Variants in KCNJ6 observed in about 807,000 individuals in gnomAD.
KCNJ6 encodes potassium inwardly rectifying channel subfamily J member 6.
KCNJ6 carries 9 observed loss-of-function variants against 34.2 expected under a neutral mutation model. The ratio of observed to expected loss-of-function variants is 0.26; its 90% CI spans 0.16 to 0.46. KCNJ6 has a LOEUF of 0.46. Ranked by LOEUF, KCNJ6 falls within the 20% of genes least tolerant of loss-of-function variation. The pLI, the probability that KCNJ6 is intolerant of heterozygous loss-of-function variation, is 1.00. For synonymous variants in KCNJ6, 196 were observed against 207.1 expected (o/e 0.95, Z 0.46); for missense variants, 236 against 531.3 (o/e 0.44, Z 5.46).
chr21:37,701,992 G>C (rs570606965), intron 3 of KCNJ6, among the ~76,000 whole-genome samples: 6 of 152,250 alleles, frequency 3.9e-5, no homozygotes, highest in Admixed American at 3.9e-4. Flanking sequence ...CAGCACTTTG[G>C]GAGGCTGAGG....
intron 3 of KCNJ6, among the ~76,000 whole-genome samples, chr21:37,705,119 C>T (rs764601379): frequency 6.6e-6 from 1 of 152,128 alleles, no homozygotes; most frequent in Non-Finnish European, 1.5e-5. Context: ...GAAGCCATGG[C>T]CTGTAATCAA....
chr21:37,855,122 C>T (rs180733284), intron 1 of KCNJ6, among the ~76,000 whole-genome samples: 3 of 152,276 alleles, frequency 2.0e-5, no homozygotes, highest in African/African-American at 7.2e-5. Flanking sequence ...GAAATCATAC[C>T]GAGTATGCTC....
intron 2 of KCNJ6, among the ~76,000 whole-genome samples, chr21:37,772,279 T>G (rs1349836803): frequency 6.6e-6 from 1 of 152,228 alleles, no homozygotes; most frequent in Non-Finnish European, 1.5e-5. Flanking sequence ...TATTATTGGT[T>G]GCACATATTA....
chr21:37,771,082 T>G (rs1258902347), intron 2 of KCNJ6, among the ~76,000 whole-genome samples: 1 of 152,208 alleles, frequency 6.6e-6, no homozygotes, highest in Non-Finnish European at 1.5e-5. Context: ...GGCTATTGTC[T>G]TTATTTGGCG....
intron 3 of KCNJ6, among the ~76,000 whole-genome samples, chr21:37,667,508 TGGGGTAGTGGGCGCC>T (rs1024928296): frequency 6.0e-5 from 9 of 149,416 alleles, no homozygotes; most frequent in Non-Finnish European, 8.9e-5. Flanking sequence ...TAGAGGACGC[TGGGGTAGTGGGCGCC>T]GGGGTAGCGG....
intron 2 of KCNJ6, among the ~76,000 whole-genome samples, chr21:37,781,976 A>G (rs1446879684): frequency 6.6e-6 from 1 of 152,216 alleles, no homozygotes; most frequent in Non-Finnish European, 1.5e-5. Context: ...TTACATGGCA[A>G]AAGGGACGTT....
chr21:37,634,538 A>G (rs1240031715), intron 3 of KCNJ6, among the ~76,000 whole-genome samples: 1 of 152,160 alleles, frequency 6.6e-6, no homozygotes. Flanking sequence ...ACAAATTGGA[A>G]ACAACCCAAC....
At chr21:37,792,585 C>T (rs1378013994) in intron 2 of KCNJ6, among the ~76,000 whole-genome samples, 5 of 152,154 alleles carry the variant, frequency 3.3e-5, no homozygotes, top group Non-Finnish European at 7.3e-5. Context: ...TGAGCAACTA[C>T]TATATGCTAA....
chr21:37,711,805 C>CCG (rs1349359246), intron 3 of KCNJ6, among the ~76,000 whole-genome samples: 1 of 151,340 alleles, frequency 6.6e-6, no homozygotes, highest in East Asian at 1.9e-4. Context: ...GAACCCCCCC[C>CCG]CCAAGTCTAG....
chr21:37,886,531 G>T (rs1301830987), intron 1 of KCNJ6, among the ~76,000 whole-genome samples: 1 of 152,130 alleles, frequency 6.6e-6, no homozygotes, highest in African/African-American at 2.4e-5. Context: ...AAATCAAAAG[G>T]TAACATGATT....
At chr21:37,806,168 A>G (rs2055292712) in intron 2 of KCNJ6, among the ~76,000 whole-genome samples, 2 of 152,212 alleles carry the variant, frequency 1.3e-5, no homozygotes. Context: ...AAAATGGAAT[A>G]GTTAGTTCCT....
rs915787858 is a variant in KCNJ6 at position 37,614,358 on chromosome 21, G to C, written c.*10801C>G. The C allele has an allele frequency of 1.6e-5, 2 of 123,008 alleles. No individual in the cohort carries two copies. The highest frequency in any genetic ancestry group is 1.5e-4 in the Admixed American group (2 of 13,270). The allele number at this position is 123,008 out of a possible 1,614,324, so 7.6% of individuals were successfully genotyped here. ...ACTCATAACTGATTGGAAAGGATAA[G>C]AGTGTGTGTGTGTGTGTGTGTGTGT... is the stretch of plus-strand genomic sequence containing the variant. On this transcript the variant is annotated 3_prime_UTR_variant, in exon 4 of 4. Transcript: ENST00000609713.
intron 3 of KCNJ6, among the ~76,000 whole-genome samples, chr21:37,640,623 A>T (rs2054376830): frequency 6.6e-6 from 1 of 152,252 alleles, no homozygotes; most frequent in African/African-American, 2.4e-5. Flanking sequence ...CTCCACAGGG[A>T]AAGATCTGGT....
At chr21:37,625,535 T>A in intron 3 of KCNJ6, 51 bp from the exon 4 acceptor site, 1 of 1,418,578 alleles carries the variant, frequency 7.0e-7, no homozygotes, top group Non-Finnish European at 9.8e-7. Flanking sequence ...GGGCTTTCCA[T>A]GGCCAAGGAG....
intron 3 of KCNJ6, among the ~76,000 whole-genome samples, chr21:37,672,363 G>A (rs1384278183): frequency 1.3e-5 from 2 of 151,948 alleles, no homozygotes. Context: ...CTGCTACCAT[G>A]AAAGAAGTAG....
intron 1 of KCNJ6, among the ~76,000 whole-genome samples, chr21:37,915,321 T>G (rs889599828): frequency 9.2e-5 from 14 of 152,222 alleles, no homozygotes; most frequent in East Asian, 7.7e-4. Context: ...TCACTGTTTT[T>G]AGTCATGCTA....
At position 37,675,536 on chromosome 21, in the gene KCNJ6, C is replaced by A. The variant is rs2054561081; in HGVS notation, c.946+38675G>T. On this transcript the variant is annotated intron_variant, in intron 3 of 3. Transcript: ENST00000609713. This position sits in a 1 kb window ranked among gnomAD's most constrained non-coding sequence, Gnocchi z 4.2. Reference sequence around the variant, plus strand: ...CCTCTGCCCCTCGGTCCCCAGCACCCCTGGGAGGAGCTGCTGCGATGACAC... The same window carrying A: ...CCTCTGCCCCTCGGTCCCCAGCACCACTGGGAGGAGCTGCTGCGATGACAC... Among the ~76,000 whole-genome samples, 1 of 152,238 alleles carries A rather than the reference C, an allele frequency of 6.6e-6. No individual in the cohort carries two copies. Among genetic ancestry groups the A allele is most frequent in the Admixed American group, 6.5e-5 (1 of 15,292 alleles).
chr21:37,671,612 G>A (rs1027722705), intron 3 of KCNJ6, among the ~76,000 whole-genome samples: 51 of 152,366 alleles, frequency 3.3e-4, no homozygotes, highest in Admixed American at 1.8e-3. Context: ...GCCACAACCT[G>A]TGCTTGCGAC....
intron 2 of KCNJ6, among the ~76,000 whole-genome samples, chr21:37,782,502 C>T (rs974966997): frequency 1.3e-5 from 2 of 152,182 alleles, no homozygotes; most frequent in African/African-American, 4.8e-5. Context: ...CTGACTGCAA[C>T]CTCTTGGTCC....
Sources: allele counts gnomAD v4.1 joint callset (sites outside exome capture counted in the v4.1 genomes callset), GRCh38; gene constraint gnomAD v4.1.1; non-coding constraint Gnocchi (gnomAD v3.1); transcripts MANE v1.5; gene names NCBI Gene and HGNC (gene_info 2026-07-23, HGNC 2026-07-21).